CNTNAP5: variants seen among roughly 807,000 people sequenced by gnomAD.
CNTNAP5 encodes contactin-associated protein-like 5.
CNTNAP5 carries 72 observed loss-of-function variants against 150.2 expected under a neutral mutation model. The ratio of observed to expected loss-of-function variants is 0.48; its 90% confidence interval spans 0.40 to 0.58. CNTNAP5 has a LOEUF of 0.58. Ranked by LOEUF, CNTNAP5 falls within the 20% of genes least tolerant of loss-of-function variation. The pLI, the probability that CNTNAP5 is intolerant of heterozygous loss-of-function variation, is 0.00. For synonymous variants in CNTNAP5, 672 were observed against 619.8 expected, an observed-to-expected ratio of 1.08 and a Z score of -1.25; for missense variants, 1,636 against 1,626.2, an observed-to-expected ratio of 1.01 and a Z score of -0.10.
chr2:124,724,713 C>T (rs1680120141), intron 13 of CNTNAP5, among the ~76,000 whole-genome samples: 1 of 151,932 alleles, frequency 6.6e-6, no homozygotes, highest in African/African-American at 2.4e-5. Context: ...ATCACATGCC[C>T]TTAATGTGCT....
At chr2:124,142,914 A>C (rs1187552252) in intron 1 of CNTNAP5, among the ~76,000 whole-genome samples, 1 of 147,824 alleles carries the variant, frequency 6.8e-6, no homozygotes, top group Middle Eastern at 3.5e-3. Flanking sequence ...AAAGCAAAAA[A>C]GAGAGAAGAA....
intron 1 of CNTNAP5, among the ~76,000 whole-genome samples, chr2:124,089,723 A>C (rs867444456): frequency 6.6e-6 from 1 of 152,236 alleles, no homozygotes. Flanking sequence ...CTGCTCCCAT[A>C]AAAGGACTAT....
intron 12 of CNTNAP5, among the ~76,000 whole-genome samples, chr2:124,623,745 T>C (rs1677665198): frequency 6.6e-6 from 1 of 152,166 alleles, no homozygotes; most frequent in South Asian, 2.1e-4. Context: ...TAGTTCATCC[T>C]AGGGAGGAGC....
intron 11 of CNTNAP5, among the ~76,000 whole-genome samples, chr2:124,600,075 G>A (rs1051155048): frequency 2.0e-5 from 3 of 152,100 alleles, no homozygotes; most frequent in East Asian, 1.9e-4. Context: ...AAGCAATGTA[G>A]GCCGAATAAT....
chr2:124,795,466 G>C (rs1485662791), intron 18 of CNTNAP5, among the ~76,000 whole-genome samples: 4 of 152,088 alleles, frequency 2.6e-5, no homozygotes, highest in Non-Finnish European at 5.9e-5. Context: ...TCAAGCCCAA[G>C]GTTAACTTCC....
intron 6 of CNTNAP5, among the ~76,000 whole-genome samples, chr2:124,466,634 A>C (rs1209729600): frequency 2.0e-5 from 3 of 152,180 alleles, no homozygotes; most frequent in African/African-American, 7.2e-5. Context: ...AATAAGAATA[A>C]AAGAGTTTTT....
intron 13 of CNTNAP5, among the ~76,000 whole-genome samples, chr2:124,720,552 T>G (rs1423873336): frequency 6.6e-6 from 1 of 152,192 alleles, no homozygotes; most frequent in Non-Finnish European, 1.5e-5. Context: ...AGAAAATCAC[T>G]TTTTAAATTT....
intron 10 of CNTNAP5, among the ~76,000 whole-genome samples, chr2:124,532,494 A>C (rs1439183814): frequency 6.6e-6 from 1 of 152,172 alleles, no homozygotes; most frequent in Non-Finnish European, 1.5e-5. Context: ...GAGACAGATT[A>C]GCAAATGCTG....
At chr2:124,515,513 T>A (rs1252843421) in intron 8 of CNTNAP5, among the ~76,000 whole-genome samples, 1 of 142,518 alleles carries the variant, frequency 7.0e-6, no homozygotes. Context: ...CCTGATTTAT[T>A]AACTTACTAA....
chr2:124,067,890 T>C (rs56250163), intron 1 of CNTNAP5, among the ~76,000 whole-genome samples: 15,758 of 152,194 alleles, frequency 0.1, 971 homozygotes, highest in East Asian at 0.33. Flanking sequence ...ATTCTATTAA[T>C]TGAAATAACA....
chr2:124,644,490 C>A (rs1678163230), intron 12 of CNTNAP5, among the ~76,000 whole-genome samples: 1 of 152,002 alleles, frequency 6.6e-6, no homozygotes, highest in African/African-American at 2.4e-5. Flanking sequence ...ATTGGTAAAG[C>A]AATTCAATGA....
chr2:124,318,968 C>G (rs1340745349), intron 3 of CNTNAP5, among the ~76,000 whole-genome samples: 2 of 152,128 alleles, frequency 1.3e-5, no homozygotes, highest in African/African-American at 4.8e-5. Flanking sequence ...TGGTAACTCC[C>G]CTCTTTTGCG....
At chr2:124,774,920 G>A (rs902910005) in intron 17 of CNTNAP5, among the ~76,000 whole-genome samples, 2 of 152,274 alleles carry the variant, frequency 1.3e-5, no homozygotes, top group Admixed American at 6.5e-5. Context: ...CAGACGTTTC[G>A]GTTAAATTGA....
intron 19 of CNTNAP5, among the ~76,000 whole-genome samples, chr2:124,840,348 G>T (rs187482743): frequency 6.6e-6 from 1 of 152,156 alleles, no homozygotes; most frequent in East Asian, 1.9e-4. Flanking sequence ...AGAATACAAG[G>T]GAGATCCTCT....
At chr2:124,295,050 G>A (rs1275452785) in intron 3 of CNTNAP5, among the ~76,000 whole-genome samples, 1 of 152,038 alleles carries the variant, frequency 6.6e-6, no homozygotes, top group Non-Finnish European at 1.5e-5. Flanking sequence ...AGGTTGTAGT[G>A]AGCGGAGATC....
chr2:124,772,953 G>A lies in CNTNAP5; in HGVS notation c.2688G>A (p.Arg896=). ...CCCTGCAGGTGGACAACCTTCCAAGGAGCACCAGGGAGACGTCGGAGGAGG... is the reference window on the plus strand; with the variant it reads ...CCCTGCAGGTGGACAACCTTCCAAGAAGCACCAGGGAGACGTCGGAGGAGG... ...ETSLQVDNLP[R]STRETSEEGH... is the part of the protein sequence containing the mutation. The change falls in exon 17 of 24, where the codon AGG becomes AGA. Residue 896 remains arginine, a synonymous_variant. Coordinates refer to ENST00000682447, the MANE Select transcript of CNTNAP5 (RefSeq NM_001367498.1). 6.2e-7 allele frequency: 1 copy of A among 1,613,750 alleles called. No homozygotes were observed. Among genetic ancestry groups the A allele is most frequent in the Non-Finnish European group, 8.5e-7 (1 of 1,179,730 alleles).
chr2:124,599,853 A>G (rs143252398), intron 11 of CNTNAP5, among the ~76,000 whole-genome samples: 309 of 152,120 alleles, frequency 2.0e-3, no homozygotes, highest in African/African-American at 7.1e-3. Context: ...CTCCTTAAAT[A>G]CTTTTCCTAT....
intron 19 of CNTNAP5, among the ~76,000 whole-genome samples, chr2:124,858,720 A>C (rs1677440252): frequency 1.3e-5 from 2 of 152,204 alleles, no homozygotes; most frequent in African/African-American, 4.8e-5. Context: ...AAAAAATAAA[A>C]AGAAACTAAA....
intron 1 of CNTNAP5, among the ~76,000 whole-genome samples, chr2:124,090,685 AAAG>A (rs1430347647): frequency 1.3e-5 from 2 of 152,246 alleles, no homozygotes; most frequent in East Asian, 1.9e-4. Flanking sequence ...AGCTTTAAAA[AAAG>A]AAGAAGGAAG....
Sources: gnomAD v4.1 joint callset for allele counts (sites outside exome capture counted in the v4.1 genomes callset) on GRCh38, gnomAD v4.1.1 for gene constraint, MANE v1.5 for transcripts, NCBI Gene and HGNC (gene_info 2026-07-23, HGNC 2026-07-21) for gene names.